Variants in SPECC1 observed in about 807,000 individuals in gnomAD.
SPECC1 encodes the protein cytospin-B.
In SPECC1, 62 loss-of-function variants were observed where a neutral mutation model predicts 104.1. That is an observed-to-expected ratio of 0.60 (90% CI 0.49 to 0.74). SPECC1 has a LOEUF of 0.74. Ranked by LOEUF, SPECC1 falls within the 30% of genes least tolerant of loss-of-function variation. The pLI is 0.00. For missense variants in SPECC1, 1,306 were observed against 1,310.5 expected, an observed-to-expected ratio of 1.00 and a Z score of 0.05; for synonymous variants, 513 against 501.6, an observed-to-expected ratio of 1.02 and a Z score of -0.30.
intron 1 of SPECC1, among the ~76,000 whole-genome samples, chr17:20,031,609 T>A (rs1241247065): frequency 2.0e-5 from 3 of 152,228 alleles, no homozygotes; most frequent in African/African-American, 7.2e-5. Context: ...TCTCCAGAAC[T>A]CTTTTTATCT....
chr17:20,099,749 A>G (rs2047850780), intron 2 of SPECC1, among the ~76,000 whole-genome samples: 1 of 151,634 alleles, frequency 6.6e-6, no homozygotes, highest in African/African-American at 2.4e-5. Flanking sequence ...TAAGGCCGGA[A>G]GAAGCATAGG....
intron 1 of SPECC1, among the ~76,000 whole-genome samples, chr17:20,018,880 G>A (rs2044257227): frequency 6.6e-6 from 1 of 152,106 alleles, no homozygotes; most frequent in Non-Finnish European, 1.5e-5. Flanking sequence ...TTTTTATTGG[G>A]GGCTGGTCAT....
intron 1 of SPECC1, among the ~76,000 whole-genome samples, chr17:20,093,718 T>C (rs565470989): frequency 5.5e-4 from 57 of 103,786 alleles, no homozygotes; most frequent in East Asian, 4.3e-3. Context: ...GTTTTTGTTT[T>C]TGTTTTTGTT....
At chr17:20,214,281 A>G (rs1188691286) in intron 4 of SPECC1, among the ~76,000 whole-genome samples, 1 of 152,224 alleles carries the variant, frequency 6.6e-6, no homozygotes, top group Non-Finnish European at 1.5e-5. Context: ...CATTGTCTTG[A>G]TAATGCCCTT....
intron 8 of SPECC1, among the ~76,000 whole-genome samples, chr17:20,246,692 A>G (rs988346217): frequency 6.6e-5 from 10 of 152,218 alleles, no homozygotes; most frequent in Admixed American, 2.0e-4. Context: ...CTGTACACAT[A>G]AACATAGCAA....
At chr17:20,016,217 CA>C (rs71157853) in intron 1 of SPECC1, among the ~76,000 whole-genome samples, 45,127 of 103,860 alleles carry the variant, frequency 0.43, 7,982 homozygotes, top group Middle Eastern at 0.52. Flanking sequence ...GACTCCATCT[CA>C]AAAAAAAAAA....
rs146508612 is a variant in SPECC1, at chr17:20,237,578, G to T, written c.2351+5173G>T. 9.6e-4 allele frequency: 187 copies of T among 195,122 alleles called. 2 individuals are homozygous for T. In the East Asian group the frequency reaches 0.013, roughly 14 times the overall value. The allele number at this position is 195,122 out of a possible 1,614,324, so 12.1% of individuals were successfully genotyped here. A position where few individuals can be genotyped will look rare whatever the true frequency, so the allele number is the denominator to read the frequency against. ...GATCCCCACCTCAGCCTCCCAAAGT[G>T]CTGGGATTACAGACATGAGCCACCG... On this transcript the variant is annotated intron_variant, in intron 7 of 14. Transcript: ENST00000395527.
At chr17:20,198,579 A>T (rs2036195871) in intron 3 of SPECC1, among the ~76,000 whole-genome samples, 1 of 152,296 alleles carries the variant, frequency 6.6e-6, no homozygotes, top group East Asian at 1.9e-4. Flanking sequence ...ATCCAAAGAG[A>T]ATAGCAGTTA....
intron 1 of SPECC1, among the ~76,000 whole-genome samples, chr17:20,055,678 A>G (rs1010698044): frequency 6.6e-6 from 1 of 152,168 alleles, no homozygotes; most frequent in Non-Finnish European, 1.5e-5. Flanking sequence ...CTCTCTAGCC[A>G]TTGTTTTTCA....
At chr17:20,281,931 C>T (rs956305353) in intron 12 of SPECC1, among the ~76,000 whole-genome samples, 3 of 152,182 alleles carry the variant, frequency 2.0e-5, no homozygotes, top group East Asian at 3.9e-4. Context: ...GTTCTCAGGA[C>T]GCCAAGGAAG....
intron 14 of SPECC1, among the ~76,000 whole-genome samples, chr17:20,308,705 A>T (rs1350360450): frequency 6.6e-6 from 1 of 152,230 alleles, no homozygotes. Context: ...TAAATCTTTA[A>T]GACGCAGATA....
intron 1 of SPECC1, among the ~76,000 whole-genome samples, chr17:20,090,224 C>T (rs929839063): frequency 2.0e-5 from 3 of 152,142 alleles, no homozygotes; most frequent in Non-Finnish European, 4.4e-5. Context: ...CGCAGGCGAC[C>T]GTAGACACTG....
chr17:20,194,502 A>ATTATTTTTTTTTTTTTTTTTT lies in SPECC1; in HGVS notation c.284-9829_284-9828insATTTTTTTTTTTTTTTTTTTT. 7.0e-3 allele frequency among the ~76,000 whole-genome samples: 605 copies of ATTATTTTTTTTTTTTTTTTTT among 86,512 alleles called. 112 individuals are homozygous for ATTATTTTTTTTTTTTTTTTTT. The highest frequency in any genetic ancestry group is 0.014 in the East Asian group (37 of 2,566). 56.8% of individuals were successfully genotyped at this position (86,512 alleles called of 152,430 possible). A position where few individuals can be genotyped will look rare whatever the true frequency, so the allele number is the denominator to read the frequency against. The stretch of plus-strand genomic sequence containing the variant: ...TGTGTTCTGTTAGAAAAGAGAACGA[A>ATTATTTTTTTTTTTTTTTTTT]TTTTTTTTTTTTTTTTTTTTTTTGA... On this transcript the variant is annotated intron_variant, in intron 3 of 14. Transcript: ENST00000395527.
intron 3 of SPECC1, among the ~76,000 whole-genome samples, chr17:20,114,677 G>A (rs1567853614): frequency 6.6e-6 from 1 of 152,052 alleles, no homozygotes; most frequent in Non-Finnish European, 1.5e-5. Context: ...ATCAACATGA[G>A]GCAAGGAATC....
chr17:20,091,803 G>T (rs1211415023), intron 1 of SPECC1, among the ~76,000 whole-genome samples: 1 of 152,158 alleles, frequency 6.6e-6, no homozygotes, highest in Non-Finnish European at 1.5e-5. Context: ...CGAGCCCTGA[G>T]TGCCCTCTCC....
rs1277473218 is a variant in SPECC1, at chr17:20,205,503, T to C, written c.1454T>C (p.Leu485Pro). 1 of 1,614,152 alleles carries C rather than the reference T, an allele frequency of 6.2e-7. No individual in the cohort carries two copies. The highest frequency in any genetic ancestry group is 1.3e-5 in the African/African-American group (1 of 75,044). ...GGCCGCTTTGAAAGAGAGAAGCTAC[T>C]CAACATTCAGCAGCAGTTGACCTGT... ...EQGRFEREKL[L>P]NIQQQLTCSL... Residue 485 changes from leucine (L) to proline (P), a missense_variant, in exon 4 of 15, where the codon CTC becomes CCC. This residue lies in a region of SPECC1 where 1,177 missense variants were observed against 1,139.9 expected (regional missense o/e 1.03). Coordinates refer to ENST00000395527, the MANE Select transcript of SPECC1 (RefSeq NM_001243439.2).
intron 3 of SPECC1, among the ~76,000 whole-genome samples, chr17:20,161,798 CTTT>C (rs200231490): frequency 2.1e-5 from 3 of 141,630 alleles, no homozygotes; most frequent in Non-Finnish European, 3.1e-5. Context: ...TTTTTTCTTT[CTTT>C]TTTTTTTTTT....
At chr17:20,108,133 TG>T (rs2048323014) in intron 2 of SPECC1, among the ~76,000 whole-genome samples, 1 of 152,124 alleles carries the variant, frequency 6.6e-6, no homozygotes, top group South Asian at 2.1e-4. Context: ...TTGTACAACA[TG>T]GTGAATGTAT....
chr17:20,125,129 G>A (rs575980646), intron 3 of SPECC1, among the ~76,000 whole-genome samples: 121 of 152,250 alleles, frequency 7.9e-4, no homozygotes, highest in African/African-American at 2.6e-3. Context: ...GCAGTGAGCC[G>A]AGATCGCGCC....
Sources: allele counts gnomAD v4.1 joint callset (sites outside exome capture counted in the v4.1 genomes callset), GRCh38; gene constraint gnomAD v4.1.1; regional missense constraint gnomAD v4.1.1; transcripts MANE v1.5; gene names NCBI Gene and HGNC (gene_info 2026-07-23, HGNC 2026-07-21).